GLIPR1L2: variants seen among roughly 807,000 people sequenced by gnomAD.
GLIPR1L2 encodes the protein GLIPR1-like protein 2.
In GLIPR1L2, 21 loss-of-function variants were observed where a neutral mutation model predicts 28.4. That is an observed-to-expected ratio of 0.74 (90% confidence interval 0.52 to 1.06). The LOEUF is 1.06. Among genes scored for constraint, GLIPR1L2 ranks in the 50% least tolerant of loss-of-function variants. The pLI, the probability that GLIPR1L2 is intolerant of heterozygous loss-of-function variation, is 0.00. For synonymous variants in GLIPR1L2, 145 were observed against 139.3 expected, an observed-to-expected ratio of 1.04 and a Z score of -0.29; for missense variants, 476 against 416.9, an observed-to-expected ratio of 1.14 and a Z score of -1.23.
At chr12:75,411,583 A>C (rs975185546) in intron 2 of GLIPR1L2, among the ~76,000 whole-genome samples, 1 of 151,646 alleles carries the variant, frequency 6.6e-6, no homozygotes, top group Non-Finnish European at 1.5e-5. Context: ...ATATGACTTT[A>C]ATACTCAATA....
In GLIPR1L2 at chr12:75,410,662, T is replaced by A; in HGVS notation, c.463T>A (p.Cys155Ser). 6.2e-7 allele frequency: 1 copy of A among 1,605,442 alleles called. No individual in the cohort carries two copies. The highest frequency in any genetic ancestry group is 2.2e-5 in the East Asian group (1 of 44,718). ...TGAAAATGGCAGTTGCTCTGGAGAC[T>A]GTTCTAATTATATTCAGGTATGTAA... is the stretch of plus-strand genomic sequence containing the variant. ...NFENGSCSGD[C>S]SNYIQLVWDH... The change falls in exon 2 of 6, where the codon TGT becomes AGT. Residue 155 changes from cysteine to serine, a missense_variant. Coordinates refer to ENST00000550916, the MANE Select transcript of GLIPR1L2 (RefSeq NM_001270396.2).
At position 75,393,302 on chromosome 12, in the gene GLIPR1L2, A is replaced by C. The variant is rs191294265; in HGVS notation, c.234+1952A>C. Among the ~76,000 whole-genome samples the C allele has an allele frequency of 2.0e-5, 3 of 152,192 alleles. No homozygotes were observed. The East Asian group carries it at 5.8e-4, about 29-fold the overall frequency. Reference sequence around the variant, plus strand: ...TGTATAGTTCAGTGGCATTAAGTACATTTGCATTGTTGTGCACCCATTACC... The same window carrying C: ...TGTATAGTTCAGTGGCATTAAGTACCTTTGCATTGTTGTGCACCCATTACC... On this transcript the variant is annotated intron_variant, in intron 1 of 5. Transcript: ENST00000550916.
chr12:75,405,154 A>G (rs540390003), intron 1 of GLIPR1L2, among the ~76,000 whole-genome samples: 1 of 152,330 alleles, frequency 6.6e-6, no homozygotes, highest in Non-Finnish European at 1.5e-5. Flanking sequence ...AAAGTTTACA[A>G]GGAATGTAGG....
chr12:75,403,071 C>G (rs768712616), intron 1 of GLIPR1L2: 2 of 457,084 alleles, frequency 4.4e-6, no homozygotes, highest in Non-Finnish European at 8.8e-6. Context: ...ATTTCCAAAC[C>G]TCTCACCCAG....
At chr12:75,404,034 A>C (rs2045770912) in intron 1 of GLIPR1L2, among the ~76,000 whole-genome samples, 1 of 152,178 alleles carries the variant, frequency 6.6e-6, no homozygotes, top group African/African-American at 2.4e-5. Context: ...TTCCATAAAT[A>C]ATGGTAAAAA....
intron 2 of GLIPR1L2, among the ~76,000 whole-genome samples, chr12:75,413,144 A>G (rs921947656): frequency 1.6e-4 from 24 of 150,576 alleles, no homozygotes; most frequent in African/African-American, 5.9e-4. Flanking sequence ...GAATTGAACA[A>G]TAAGAACACA....
At chr12:75,404,408 CT>C (rs2045774728) in intron 1 of GLIPR1L2, among the ~76,000 whole-genome samples, 1 of 152,040 alleles carries the variant, frequency 6.6e-6, no homozygotes, top group Non-Finnish European at 1.5e-5. Context: ...ATTCACTTGA[CT>C]TGGGTGAATC....
intron 1 of GLIPR1L2, among the ~76,000 whole-genome samples, chr12:75,404,811 G>A (rs926628325): frequency 2.0e-5 from 3 of 152,028 alleles, no homozygotes; most frequent in African/African-American, 7.2e-5. Flanking sequence ...TTTGTTTAGT[G>A]TTATGTCTTA....
Position 75,430,985 on chromosome 12 carries a change from A to G in GLIPR1L2, c.859A>G (p.Met287Val). The change falls in exon 6 of 6, where the codon ATG becomes GTG. Residue 287 changes from methionine (M) to valine (V), a missense_variant. Transcript: ENST00000550916. The part of the protein sequence containing the change: ...QFPNILLEQQ[M>V]IFTPEESEAG... ...TCCAAATATCTTGTTGGAACAACAA[A>G]TGATATTTACCCCTGAGGAATCTGA... 2 of 1,535,832 alleles carry G rather than the reference A, an allele frequency of 1.3e-6. No homozygotes were observed. Among genetic ancestry groups the G allele is most frequent in the Non-Finnish European group, 1.7e-6 (2 of 1,146,658 alleles).
In GLIPR1L2 at chr12:75,402,872, A is replaced by G. The variant is rs377553410; in HGVS notation, c.235-7562A>G. 10 of 409,598 alleles carry G rather than the reference A, an allele frequency of 2.4e-5. No individual in the cohort carries two copies. The East Asian group carries it at 7.1e-4, about 29-fold the overall frequency. The allele number at this position is 409,598 out of a possible 1,614,324, so 25.4% of individuals were successfully genotyped here. On this transcript the variant is annotated intron_variant, in intron 1 of 5. Transcript: ENST00000550916. ...GACTTCCTCACTCTGTTCCATGGGT[A>G]TAAATCCCCACTTATCCTTGCTGTA...
intron 1 of GLIPR1L2, 188 bp downstream of exon 1, chr12:75,391,538 T>A: frequency 6.6e-7 from 1 of 1,524,208 alleles, no homozygotes; most frequent in Non-Finnish European, 8.8e-7. Flanking sequence ...ACATGCTTAT[T>A]ACCATGATAT....
intron 3 of GLIPR1L2, among the ~76,000 whole-genome samples, chr12:75,422,524 G>A (rs1258393240): frequency 3.3e-5 from 5 of 151,920 alleles, no homozygotes; most frequent in Non-Finnish European, 7.4e-5. Flanking sequence ...GGATGGTCTC[G>A]ATCTCCTGAC....
chr12:75,422,153 A>G (rs1180639844), intron 3 of GLIPR1L2, among the ~76,000 whole-genome samples: 1 of 148,818 alleles, frequency 6.7e-6, no homozygotes, highest in Non-Finnish European at 1.5e-5. Context: ...ATGCCCGGCT[A>G]ATTAAAAAAA....
intron 1 of GLIPR1L2, among the ~76,000 whole-genome samples, chr12:75,392,926 A>G (rs1043250111): frequency 1.3e-5 from 2 of 152,062 alleles, no homozygotes; most frequent in African/African-American, 4.8e-5. Context: ...TTATTAGGAC[A>G]TAAATATTAA....
chr12:75,391,377 C>G (rs755850372), intron 1 of GLIPR1L2, 27 bp downstream of exon 1: 1 of 1,606,670 alleles, frequency 6.2e-7, no homozygotes, highest in Non-Finnish European at 8.5e-7. Context: ...GTTTGCCGAC[C>G]CTTCCACTAC....
At chr12:75,421,997 CTTTA>C (rs2045981039) in intron 3 of GLIPR1L2, among the ~76,000 whole-genome samples, 2 of 121,488 alleles carry the variant, frequency 1.6e-5, no homozygotes, top group African/African-American at 2.9e-5. Context: ...TTCTTTATTT[CTTTA>C]TTTATTTTAG....
intron 1 of GLIPR1L2, among the ~76,000 whole-genome samples, chr12:75,396,904 T>C (rs1413996194): frequency 2.0e-5 from 3 of 152,234 alleles, no homozygotes; most frequent in Non-Finnish European, 4.4e-5. Context: ...TGTTCTGTAG[T>C]TTTACCCCAT....
intron 1 of GLIPR1L2, among the ~76,000 whole-genome samples, chr12:75,394,731 T>G (rs1360144377): frequency 6.8e-6 from 1 of 146,816 alleles, no homozygotes; most frequent in Non-Finnish European, 1.5e-5. Context: ...TCAGATTTTT[T>G]ACGAATTTTG....
chr12:75,399,317 TATAG>T (rs1340621609), intron 1 of GLIPR1L2, among the ~76,000 whole-genome samples: 28 of 152,156 alleles, frequency 1.8e-4, no homozygotes, highest in African/African-American at 6.0e-4. Context: ...ATCTGTGAGC[TATAG>T]ATAGACTTTT....
Sources: allele counts gnomAD v4.1 joint callset (sites outside exome capture counted in the v4.1 genomes callset), GRCh38; gene constraint gnomAD v4.1.1; transcripts MANE v1.5; gene names NCBI Gene and HGNC (gene_info 2026-07-23, HGNC 2026-07-21).